UBE2QL1: variants seen among roughly 807,000 people sequenced by gnomAD.
UBE2QL1 encodes the protein ubiquitin-conjugating enzyme E2Q-like protein 1.
UBE2QL1 carries 5 observed loss-of-function variants against 12.6 expected under a neutral mutation model. The ratio of observed to expected loss-of-function variants is 0.40; its 90% CI spans 0.21 to 0.83. UBE2QL1 has a LOEUF of 0.83. Ranked by LOEUF, UBE2QL1 falls within the 40% of genes least tolerant of loss-of-function variation. The pLI is 0.37. For synonymous variants in UBE2QL1, 96 were observed against 94.5 expected (o/e 1.02, Z -0.10); for missense variants, 99 against 222.6 (o/e 0.44, Z 3.53).
chr5:6,462,628 A>C (rs2126337170), intron 1 of UBE2QL1, among the ~76,000 whole-genome samples: 1 of 152,290 alleles, frequency 6.6e-6, no homozygotes, highest in East Asian at 1.9e-4. Context: ...GAGGCCACTA[A>C]CTGCCGGGCT....
intron 1 of UBE2QL1, among the ~76,000 whole-genome samples, chr5:6,486,097 G>A (rs1236398137): frequency 6.6e-6 from 1 of 152,152 alleles, no homozygotes; most frequent in Admixed American, 6.5e-5. Flanking sequence ...CTGGCATTGG[G>A]CAAAGCATCT....
intron 1 of UBE2QL1, among the ~76,000 whole-genome samples, chr5:6,453,088 G>T (rs1219192192): frequency 1.3e-5 from 2 of 152,250 alleles, no homozygotes; most frequent in Non-Finnish European, 2.9e-5. Context: ...AGCAGCAGCA[G>T]CAGGAAGCAT....
chr5:6,491,715 G>C lies in UBE2QL1; in HGVS notation c.*366G>C, dbSNP rs555516165. On this transcript the variant is annotated 3_prime_UTR_variant, in exon 2 of 2. Coordinates refer to ENST00000399816, the MANE Select transcript of UBE2QL1 (RefSeq NM_001145161.3). Reference sequence around the variant, plus strand: ...GGCAGGAAACTCAATGCCCCTGCTGGCTCCATTTCCATGTAAATGGCGCCG... The same window carrying C: ...GGCAGGAAACTCAATGCCCCTGCTGCCTCCATTTCCATGTAAATGGCGCCG... 10 of 164,736 alleles carry C rather than the reference G, an allele frequency of 6.1e-5. No individual in the cohort carries two copies. The South Asian group carries it at 1.9e-3, about 32-fold the overall frequency. 10.2% of individuals were successfully genotyped at this position (164,736 alleles called of 1,614,324 possible).
At chr5:6,489,424 T>TAAA (rs755544915) in intron 1 of UBE2QL1, among the ~76,000 whole-genome samples, 1 of 108,530 alleles carries the variant, frequency 9.2e-6, no homozygotes, top group Non-Finnish European at 1.7e-5. Context: ...ATCCTGTCTG[T>TAAA]AAAAAAAAAA....
Position 6,464,985 on chromosome 5 carries a change from T to G in UBE2QL1, c.354+15738T>G, listed in dbSNP as rs983633283. Among the ~76,000 whole-genome samples, 10 of 151,984 alleles carry G rather than the reference T, an allele frequency of 6.6e-5. No individual in the cohort carries two copies. In the East Asian group the frequency reaches 1.7e-3, roughly 26 times the overall value. On this transcript the variant is annotated intron_variant, in intron 1 of 1. Transcript: ENST00000399816. ...TTAACTATAACTAGCATTTTAGTTT[T>G]TATTCTTTTTTTTTTTTTTTGAGAC...
At chr5:6,459,776 T>A (rs958132218) in intron 1 of UBE2QL1, among the ~76,000 whole-genome samples, 6 of 152,218 alleles carry the variant, frequency 3.9e-5, no homozygotes, top group Non-Finnish European at 4.4e-5. Flanking sequence ...ATCACAACTG[T>A]AATGCGATTT....
At chr5:6,449,330 G>A (rs1380204796) in intron 1 of UBE2QL1, 83 bp downstream of exon 1, 12 of 1,219,086 alleles carry the variant, frequency 9.8e-6, no homozygotes, top group Non-Finnish European at 1.2e-5. Context: ...CCGTGGTGAG[G>A]GCCAGCGCCG....
At chr5:6,454,069 A>T (rs1453924767) in intron 1 of UBE2QL1, among the ~76,000 whole-genome samples, 3 of 151,888 alleles carry the variant, frequency 2.0e-5, no homozygotes, top group Non-Finnish European at 4.4e-5. Context: ...TTTTGTAGAG[A>T]TAGGGGTCTC....
intron 1 of UBE2QL1, among the ~76,000 whole-genome samples, chr5:6,468,514 A>G (rs1739843257): frequency 6.6e-6 from 1 of 152,242 alleles, no homozygotes; most frequent in Non-Finnish European, 1.5e-5. Context: ...CGCCTGGAGC[A>G]TCAGTGAAAC....
intron 1 of UBE2QL1, among the ~76,000 whole-genome samples, chr5:6,467,913 T>C (rs1173880822): frequency 6.6e-6 from 1 of 152,190 alleles, no homozygotes; most frequent in Non-Finnish European, 1.5e-5. Flanking sequence ...CTTTTTCAGA[T>C]CACTGTATCG....
chr5:6,491,626 C>A lies in UBE2QL1; in HGVS notation c.*277C>A. On this transcript the variant is annotated 3_prime_UTR_variant, in exon 2 of 2. Coordinates refer to ENST00000399816, the MANE Select transcript of UBE2QL1 (RefSeq NM_001145161.3). ...ATGGTGACATTTCCCAGCCTGCCTG[C>A]CCCTCTGCCCACCCCGGTCACATTG... 1 of 247,580 alleles carries A rather than the reference C, an allele frequency of 4.0e-6. No individual in the cohort carries two copies. The highest frequency in any genetic ancestry group is 7.5e-6 in the Non-Finnish European group (1 of 132,698). 15.3% of individuals were successfully genotyped at this position (247,580 alleles called of 1,614,324 possible).
At chr5:6,486,588 A>G (rs1338329319) in intron 1 of UBE2QL1, among the ~76,000 whole-genome samples, 8 of 152,038 alleles carry the variant, frequency 5.3e-5, no homozygotes, top group Admixed American at 5.2e-4. Flanking sequence ...AATCCGTCAT[A>G]CTGTCTGGGT....
At chr5:6,469,358 G>A (rs997321305) in intron 1 of UBE2QL1, among the ~76,000 whole-genome samples, 1 of 150,894 alleles carries the variant, frequency 6.6e-6, no homozygotes, top group Admixed American at 6.6e-5. Flanking sequence ...ATAAGGCTGG[G>A]TTCTTTATAT....
rs537099122 is a variant in UBE2QL1, at chr5:6,476,938, C to T, written c.355-14280C>T. 2.6e-5 allele frequency among the ~76,000 whole-genome samples: 4 copies of T among 152,216 alleles called. No individual in the cohort carries two copies. The highest frequency in any genetic ancestry group is 2.1e-4 in the South Asian group (1 of 4,818). ...AACCAGACCCAAACTCCAGGGACCC[C>T]GAAATTCCCACCTTCACCCCATCCT... On this transcript the variant is annotated intron_variant, in intron 1 of 1. Transcript: ENST00000399816. This position sits in a 1 kb window ranked among gnomAD's most constrained non-coding sequence, Gnocchi z 4.9.
In UBE2QL1 at chr5:6,478,155, C is replaced by T. The variant is rs1208522386; in HGVS notation, c.355-13063C>T. Among the ~76,000 whole-genome samples the T allele has an allele frequency of 6.6e-6, 1 of 152,148 alleles. No homozygotes were observed. The highest frequency in any genetic ancestry group is 2.4e-5 in the African/African-American group (1 of 41,434). On this transcript the variant is annotated intron_variant, in intron 1 of 1. Coordinates refer to ENST00000399816, the MANE Select transcript of UBE2QL1 (RefSeq NM_001145161.3). This position sits in a 1 kb window ranked among gnomAD's most constrained non-coding sequence, Gnocchi z 4.5. ...TAACCTATCTTTTATAGAGTTTGTG[C>T]CCAGATCATATTTTCACACGGAAAT...
chr5:6,480,084 T>C (rs1361341765), intron 1 of UBE2QL1, among the ~76,000 whole-genome samples: 2 of 151,988 alleles, frequency 1.3e-5, no homozygotes, highest in Non-Finnish European at 2.9e-5. Context: ...CGTTTGTGTT[T>C]GTTTGTTTGT....
chr5:6,450,595 C>T (rs1739394992), intron 1 of UBE2QL1, among the ~76,000 whole-genome samples: 4 of 152,256 alleles, frequency 2.6e-5, no homozygotes, highest in Admixed American at 2.6e-4. Flanking sequence ...GCCATCACTT[C>T]TTCCCTGCCT....
intron 1 of UBE2QL1, among the ~76,000 whole-genome samples, chr5:6,459,581 AT>A (rs1739608310): frequency 6.6e-6 from 1 of 152,212 alleles, no homozygotes; most frequent in Non-Finnish European, 1.5e-5. Flanking sequence ...AATGCATAGG[AT>A]TTCAAAGGAA....
intron 1 of UBE2QL1, among the ~76,000 whole-genome samples, chr5:6,474,092 C>A (rs1354496776): frequency 1.3e-5 from 2 of 152,198 alleles, no homozygotes; most frequent in African/African-American, 4.8e-5. Flanking sequence ...AAAACATTTA[C>A]CTTCTAAAAG....
Sources: allele counts gnomAD v4.1 joint callset (sites outside exome capture counted in the v4.1 genomes callset), GRCh38; gene constraint gnomAD v4.1.1; non-coding constraint Gnocchi (gnomAD v3.1); transcripts MANE v1.5; gene names NCBI Gene and HGNC (gene_info 2026-07-23, HGNC 2026-07-21).